MECOM: variants seen among roughly 807,000 people sequenced by gnomAD.
MECOM encodes MDS1 and EVI1 complex locus, also known as histone-lysine N-methyltransferase MECOM.
In MECOM, 13 loss-of-function variants were observed where a neutral mutation model predicts 116.3. The ratio of observed to expected loss-of-function variants is 0.11; its 90% CI spans 0.07 to 0.18. The LOEUF is 0.18. MECOM is among the 10% of genes least tolerant of loss of function. MECOM has a pLI of 1.00. For synonymous variants in MECOM, 528 were observed against 535.2 expected, an observed-to-expected ratio of 0.99 and a Z score of 0.19; for missense variants, 1,299 against 1,509.0, an observed-to-expected ratio of 0.86 and a Z score of 2.31.
chr3:169,531,597 T>C (rs1456856098), intron 1 of MECOM, among the ~76,000 whole-genome samples: 1 of 152,132 alleles, frequency 6.6e-6, no homozygotes, highest in Non-Finnish European at 1.5e-5. Context: ...AACCCAGGCC[T>C]CCTAACTCCT....
At chr3:169,216,008 G>A (rs541943555) in intron 2 of MECOM, among the ~76,000 whole-genome samples, 9 of 152,302 alleles carry the variant, frequency 5.9e-5, no homozygotes, top group Non-Finnish European at 1.3e-4. Context: ...TCACAACCCA[G>A]AAAATTTTAG....
intron 2 of MECOM, among the ~76,000 whole-genome samples, chr3:169,241,529 A>T (rs930610183): frequency 6.6e-6 from 1 of 152,158 alleles, no homozygotes; most frequent in Non-Finnish European, 1.5e-5. Context: ...CTAGGGGGAA[A>T]CATTCCTTCA....
chr3:169,088,349 A>G (rs1369926716), intron 16 of MECOM, among the ~76,000 whole-genome samples: 1 of 152,240 alleles, frequency 6.6e-6, no homozygotes, highest in Non-Finnish European at 1.5e-5. Flanking sequence ...ACCCTTAAAT[A>G]GATTTATTTT....
intron 2 of MECOM, among the ~76,000 whole-genome samples, chr3:169,265,678 A>G (rs1758189535): frequency 6.6e-6 from 1 of 152,250 alleles, no homozygotes; most frequent in Non-Finnish European, 1.5e-5. Flanking sequence ...GAATAAAACA[A>G]TAAGTTAATA....
At chr3:169,505,137 T>C (rs550734844) in intron 1 of MECOM, among the ~76,000 whole-genome samples, 2 of 152,298 alleles carry the variant, frequency 1.3e-5, no homozygotes, top group African/African-American at 4.8e-5. Context: ...CTATTTATAA[T>C]CTCAGTATTT....
chr3:169,280,978 C>T (rs1049615957), intron 2 of MECOM, among the ~76,000 whole-genome samples: 6 of 152,174 alleles, frequency 3.9e-5, no homozygotes, highest in African/African-American at 1.4e-4. Context: ...GCTCTCCTCC[C>T]GCAGGAACCA....
intron 2 of MECOM, among the ~76,000 whole-genome samples, chr3:169,253,807 A>C (rs1239453471): frequency 1.3e-5 from 2 of 152,078 alleles, no homozygotes; most frequent in Non-Finnish European, 2.9e-5. Flanking sequence ...AGAGTAATGA[A>C]ATGATCTACC....
At chr3:169,497,925 GT>G (rs966778478) in intron 1 of MECOM, among the ~76,000 whole-genome samples, 1 of 152,180 alleles carries the variant, frequency 6.6e-6, no homozygotes, top group Non-Finnish European at 1.5e-5. Flanking sequence ...CATATATCCT[GT>G]TTGTGGCCTC....
intron 1 of MECOM, among the ~76,000 whole-genome samples, chr3:169,626,046 A>G (rs1379879843): frequency 1.3e-5 from 2 of 152,216 alleles, no homozygotes; most frequent in Admixed American, 1.3e-4. Flanking sequence ...ATTTTATTCA[A>G]AAGTTTCCTT....
intron 1 of MECOM, among the ~76,000 whole-genome samples, chr3:169,395,599 CT>C (rs79966489): frequency 0.026 from 3,906 of 152,188 alleles, 115 homozygotes; most frequent in African/African-American, 0.07. Flanking sequence ...ACATTGCAAC[CT>C]TTTCAAACAA....
chr3:169,646,140 C>T (rs1311165978), intron 1 of MECOM, among the ~76,000 whole-genome samples: 1 of 152,062 alleles, frequency 6.6e-6, no homozygotes, highest in Admixed American at 6.6e-5. Context: ...TCCAGTCTAT[C>T]ACTGATGGAC....
At chr3:169,523,137 T>C (rs1361444380) in intron 1 of MECOM, among the ~76,000 whole-genome samples, 1 of 152,150 alleles carries the variant, frequency 6.6e-6, no homozygotes, top group Non-Finnish European at 1.5e-5. Flanking sequence ...TGATGATGAA[T>C]ATATTAAGTA....
chr3:169,106,458 T>A (rs1332696457), intron 10 of MECOM, among the ~76,000 whole-genome samples: 3 of 151,992 alleles, frequency 2.0e-5, no homozygotes, highest in Admixed American at 1.3e-4. Flanking sequence ...CACATAGAGG[T>A]TTTTTTACCA....
chr3:169,217,135 T>C lies in MECOM; in HGVS notation c.376-73303A>G, dbSNP rs576178533. ...GCCATATATTTAGAAGATGAACTCA[T>C]AACAGAATGATCTGGATTTTGGCAC... On this transcript the variant is annotated intron_variant, in intron 2 of 16. Transcript: ENST00000651503. Among the ~76,000 whole-genome samples the C allele has an allele frequency of 4.0e-4, 61 of 152,318 alleles. 1 individual carries two copies. In the South Asian group the frequency reaches 0.013, roughly 32 times the overall value.
rs765178415 is a variant in MECOM, at chr3:169,147,192, C to G, written c.376-3360G>C. On this transcript the variant is annotated intron_variant, in intron 2 of 16. Transcript: ENST00000651503. ...CTGAAACCCACTAAAACTTCTACTT[C>G]TCCTTCCCAGTTCCAATGGGGGAAA... 6.1e-6 allele frequency: 6 copies of G among 985,400 alleles called. No homozygotes were observed. The African/African-American group carries it at 7.0e-5, about 11-fold the overall frequency. The allele number at this position is 985,400 out of a possible 1,614,324, so 61.0% of individuals were successfully genotyped here.
rs748984561 is a variant in MECOM, at chr3:169,322,997, T to TAAAAAAAAAAAAAAAAA, written c.375+58173_375+58189dup. Reference sequence around the variant, plus strand: ...CCTGCATGACAGAGCAAGACTCCGGTAAAAAAAAAAAAAAAAAAAAAAAAA... The same window carrying TAAAAAAAAAAAAAAAAA: ...CCTGCATGACAGAGCAAGACTCCGGTAAAAAAAAAAAAAAAAAAAAAAAAAAAAAAAAAAAAAAAAAA... On this transcript the variant is annotated intron_variant, in intron 2 of 16. Coordinates refer to ENST00000651503, the MANE Select transcript of MECOM (RefSeq NM_004991.4). 8.9e-5 allele frequency among the ~76,000 whole-genome samples: 5 copies of TAAAAAAAAAAAAAAAAA among 56,048 alleles called. 1 individual carries two copies. Among genetic ancestry groups the TAAAAAAAAAAAAAAAAA allele is most frequent in the East Asian group, 9.7e-4 (2 of 2,052 alleles). The allele number at this position is 56,048 out of a possible 152,430, so 36.8% of individuals were successfully genotyped here.
intron 2 of MECOM, among the ~76,000 whole-genome samples, chr3:169,361,750 G>T (rs894261685): frequency 4.6e-5 from 7 of 151,800 alleles, no homozygotes; most frequent in Non-Finnish European, 1.5e-5. Context: ...TGGTCCATGT[G>T]TTATACTGCC....
chr3:169,532,462 T>C (rs188044041), intron 1 of MECOM, among the ~76,000 whole-genome samples: 1 of 152,204 alleles, frequency 6.6e-6, no homozygotes, highest in Non-Finnish European at 1.5e-5. Context: ...CAAAGACCCA[T>C]AATCCTGACT....
At chr3:169,169,898 G>A (rs1336871089) in intron 2 of MECOM, among the ~76,000 whole-genome samples, 5 of 151,042 alleles carry the variant, frequency 3.3e-5, no homozygotes, top group African/African-American at 1.2e-4. Context: ...CAAAGGCCTA[G>A]ATGATATCTT....
Sources: gnomAD v4.1 joint callset for allele counts (sites outside exome capture counted in the v4.1 genomes callset) on GRCh38, gnomAD v4.1.1 for gene constraint, MANE v1.5 for transcripts, NCBI Gene and HGNC (gene_info 2026-07-23, HGNC 2026-07-21) for gene names.